PTPRN2: variants seen among roughly 807,000 people sequenced by gnomAD.
PTPRN2 encodes receptor-type tyrosine-protein phosphatase N2.
A neutral mutation model predicts 118.8 loss-of-function variants in PTPRN2; 74 were observed. The observed-to-expected ratio is 0.62, with a 90% CI of 0.52 to 0.76. PTPRN2 has a LOEUF of 0.76. Ranked by LOEUF, PTPRN2 falls within the 30% of genes least tolerant of loss-of-function variation. PTPRN2 has a pLI of 0.00. For synonymous variants in PTPRN2, 641 were observed against 608.0 expected (o/e 1.05, Z -0.80); for missense variants, 1,481 against 1,394.4 (o/e 1.06, Z -0.99).
intron 2 of PTPRN2, among the ~76,000 whole-genome samples, chr7:158,418,013 A>G (rs1346584058): frequency 1.3e-5 from 2 of 149,128 alleles, no homozygotes; most frequent in African/African-American, 5.1e-5. Flanking sequence ...CTACATCGAG[A>G]TGCTCTAGCT....
chr7:158,092,878 C>T (rs1030404256), intron 10 of PTPRN2, among the ~76,000 whole-genome samples: 3 of 152,150 alleles, frequency 2.0e-5, no homozygotes, highest in South Asian at 2.1e-4. Flanking sequence ...AGTAGGTGGG[C>T]GCAAACCAAG....
rs1194470811 is a variant in PTPRN2 at position 158,394,211 on chromosome 7, C to T, written c.164-77279G>A. On this transcript the variant is annotated intron_variant, in intron 2 of 22. Transcript: ENST00000389418. ...CACGGATGCGTGGTTCCCCTATGTC[C>T]CCCACAGATGCCTGGACCTCTCTGT... 5.3e-5 allele frequency among the ~76,000 whole-genome samples: 8 copies of T among 151,952 alleles called. No homozygotes were observed. The East Asian group carries it at 1.4e-3, about 26-fold the overall frequency.
At chr7:157,820,357 A>G (rs1465410406) in intron 12 of PTPRN2, among the ~76,000 whole-genome samples, 1 of 147,772 alleles carries the variant, frequency 6.8e-6, no homozygotes, top group Non-Finnish European at 1.5e-5. Context: ...TCAAACATAC[A>G]TGCACACAGC....
rs1802361806 is a variant in PTPRN2 at position 157,611,834 on chromosome 7, C to T, written c.2345-7759G>A. On this transcript the variant is annotated intron_variant, in intron 15 of 22. Transcript: ENST00000389418. This position sits in a 1 kb window ranked among gnomAD's most constrained non-coding sequence, Gnocchi z 5.9. ...GTGTGAAGACGAAGACAGCCGCAGT[C>T]ATGCTGGGGACACGCGGAGGGAGAG... Among the ~76,000 whole-genome samples the T allele has an allele frequency of 6.9e-6, 1 of 144,594 alleles. No individual in the cohort carries two copies. Among genetic ancestry groups the T allele is most frequent in the Non-Finnish European group, 1.5e-5 (1 of 65,740 alleles). 94.9% of individuals were successfully genotyped at this position (144,594 alleles called of 152,430 possible). A position where few individuals can be genotyped will look rare whatever the true frequency, so the allele number is the denominator to read the frequency against.
chr7:157,993,466 G>A lies in PTPRN2; in HGVS notation c.1723+87832C>T, dbSNP rs117265040. 2.1e-3 allele frequency among the ~76,000 whole-genome samples: 322 copies of A among 151,902 alleles called. 11 individuals carry two copies. In the East Asian group the frequency reaches 0.053, roughly 25 times the overall value. On this transcript the variant is annotated intron_variant, in intron 11 of 22. Coordinates refer to ENST00000389418, the MANE Select transcript of PTPRN2 (RefSeq NM_002847.5). ...CTTTCAGAAATGTAATTTCCATGAC[G>A]CGTCCACCCAGGGCCAGGAACCACA...
rs547726115 is a variant in PTPRN2 at position 158,036,160 on chromosome 7, T to C, written c.1723+45138A>G. On this transcript the variant is annotated intron_variant, in intron 11 of 22. Transcript: ENST00000389418. The stretch of plus-strand genomic sequence containing the variant: ...ATGAATTAGGGGCATAACAATAACA[T>C]ATACGGAGATATGCAAAACCACAAG... 6.6e-5 allele frequency among the ~76,000 whole-genome samples: 10 copies of C among 152,168 alleles called. No homozygotes were observed. The South Asian group carries it at 2.1e-3, about 32-fold the overall frequency.
intron 2 of PTPRN2, among the ~76,000 whole-genome samples, chr7:158,326,621 C>A (rs1451671351): frequency 1.3e-5 from 2 of 151,248 alleles, no homozygotes; most frequent in Admixed American, 6.6e-5. Context: ...CACACACATG[C>A]ACATTCTCAC....
intron 2 of PTPRN2, among the ~76,000 whole-genome samples, chr7:158,452,598 G>T (rs911171750): frequency 6.6e-6 from 1 of 152,228 alleles, no homozygotes; most frequent in Admixed American, 6.5e-5. Flanking sequence ...GCATCTCAAG[G>T]TGACCTTGGG....
intron 12 of PTPRN2, among the ~76,000 whole-genome samples, chr7:157,872,794 TGA>T (rs1164350546): frequency 1.3e-5 from 2 of 152,246 alleles, no homozygotes; most frequent in South Asian, 2.1e-4. Context: ...TCAGGGCTCC[TGA>T]GAGTTTCCTC....
rs544264116 is a variant in PTPRN2, at chr7:157,956,777, C to T, written c.1724-58040G>A. On this transcript the variant is annotated intron_variant, in intron 11 of 22. Transcript: ENST00000389418. ...GAACCTCACTTTCCCAGAGGATAAACTGTTACACAGAAGGCCTGACTGCTT... is the reference window on the plus strand; with the variant it reads ...GAACCTCACTTTCCCAGAGGATAAATTGTTACACAGAAGGCCTGACTGCTT... Among the ~76,000 whole-genome samples the T allele has an allele frequency of 3.9e-5, 6 of 152,392 alleles. No homozygotes were observed. The South Asian group carries it at 1.2e-3, about 32-fold the overall frequency.
At chr7:157,979,410 C>T (rs922525409) in intron 11 of PTPRN2, among the ~76,000 whole-genome samples, 4 of 152,198 alleles carry the variant, frequency 2.6e-5, no homozygotes, top group Admixed American at 2.0e-4. Context: ...CACTTCACGT[C>T]GCTGTGGCTG....
At chr7:157,543,670 G>A (rs373102949) in intron 22 of PTPRN2, among the ~76,000 whole-genome samples, 13 of 152,356 alleles carry the variant, frequency 8.5e-5, no homozygotes, top group South Asian at 6.2e-4. Context: ...AGGCCTGGGT[G>A]GAGATGTACA....
At chr7:158,461,221 C>T (rs1311098091) in intron 2 of PTPRN2, among the ~76,000 whole-genome samples, 3 of 152,112 alleles carry the variant, frequency 2.0e-5, no homozygotes, top group Admixed American at 6.5e-5. Context: ...AAAGGCCGGG[C>T]GCGGTGGCTC....
chr7:158,155,490 C>CCATCAACACTAT (rs1821635404), intron 6 of PTPRN2, among the ~76,000 whole-genome samples: 1 of 105,824 alleles, frequency 9.4e-6, no homozygotes, highest in Non-Finnish European at 2.0e-5. Context: ...ATCATCATCA[C>CCATCAACACTAT]CATCACCATC....
rs1799139065 is a variant in PTPRN2 at position 157,560,608 on chromosome 7, G to A, written c.2902+8294C>T. On this transcript the variant is annotated intron_variant, in intron 21 of 22. Transcript: ENST00000389418. This position sits in a 1 kb window ranked among gnomAD's most constrained non-coding sequence, Gnocchi z 6.7. ...TTGCACCAGAATAGCTCAGGGGAAG[G>A]AAAGGCACAGAAAATAAACAACACA... Among the ~76,000 whole-genome samples, 1 of 152,168 alleles carries A rather than the reference G, an allele frequency of 6.6e-6. No individual in the cohort carries two copies. Among genetic ancestry groups the A allele is most frequent in the Non-Finnish European group, 1.5e-5 (1 of 68,028 alleles).
chr7:158,319,400 A>T (rs1482992480), intron 2 of PTPRN2, among the ~76,000 whole-genome samples: 22 of 5,970 alleles, frequency 3.7e-3, no homozygotes, highest in South Asian at 6.7e-3. Flanking sequence ...ACAGCCTCCC[A>T]CACACACACA....
chr7:158,550,747 TG>T (rs2129450146), intron 1 of PTPRN2, among the ~76,000 whole-genome samples: 1 of 152,382 alleles, frequency 6.6e-6, no homozygotes, highest in Admixed American at 6.5e-5. Context: ...GCGTCGTTAA[TG>T]GGCTGGGACC....
At chr7:158,581,774 T>A (rs775782910) in intron 1 of PTPRN2, among the ~76,000 whole-genome samples, 8 of 152,220 alleles carry the variant, frequency 5.3e-5, no homozygotes, top group Non-Finnish European at 1.0e-4. Flanking sequence ...ACTGAGTAAC[T>A]GTCACCAAAC....
At chr7:157,652,218 C>T (rs904752826) in intron 14 of PTPRN2, among the ~76,000 whole-genome samples, 12 of 152,246 alleles carry the variant, frequency 7.9e-5, no homozygotes, top group African/African-American at 2.2e-4. Flanking sequence ...CAAACCCTAC[C>T]AAGCAAAGGC....
Sources: gnomAD v4.1 joint callset for allele counts (sites outside exome capture counted in the v4.1 genomes callset) on GRCh38, gnomAD v4.1.1 for gene constraint, Gnocchi (gnomAD v3.1) non-coding constraint, MANE v1.5 for transcripts, NCBI Gene and HGNC (gene_info 2026-07-23, HGNC 2026-07-21) for gene names.